Variants in CDH4 observed in about 807,000 individuals in gnomAD.
The protein encoded by CDH4 is cadherin 4.
A neutral mutation model predicts 86.0 loss-of-function variants in CDH4; 33 were observed. The observed-to-expected ratio is 0.38, with a 90% confidence interval of 0.29 to 0.51. The LOEUF is 0.51. CDH4 is among the 20% of genes least tolerant of loss of function. The probability of loss-of-function intolerance (pLI) is 0.86; values close to 1 mark genes in which losing one functional copy is unlikely to be tolerated. For missense variants in CDH4, 1,114 were observed against 1,307.4 expected, an observed-to-expected ratio of 0.85 and a Z score of 2.28; for synonymous variants, 555 against 549.4, an observed-to-expected ratio of 1.01 and a Z score of -0.14.
chr20:61,640,468 G>T (rs60569221), intron 2 of CDH4, among the ~76,000 whole-genome samples: 6,998 of 152,124 alleles, frequency 0.046, 210 homozygotes, highest in Middle Eastern at 0.082. Flanking sequence ...GCTGGCTTCC[G>T]GGGCCTATGA....
chr20:61,693,850 C>A (rs896822392), intron 2 of CDH4, among the ~76,000 whole-genome samples: 1 of 150,182 alleles, frequency 6.7e-6, no homozygotes, highest in Admixed American at 6.7e-5. Flanking sequence ...AAGTCACCTT[C>A]CTACTGAAAA....
In CDH4 at chr20:61,672,280, C is replaced by T. The variant is rs200505949; in HGVS notation, c.170-71283C>T. Among the ~76,000 whole-genome samples, 21 of 151,384 alleles carry T rather than the reference C, an allele frequency of 1.4e-4. No homozygotes were observed. In the East Asian group the frequency reaches 3.9e-3, roughly 28 times the overall value. On this transcript the variant is annotated intron_variant, in intron 2 of 15. Transcript: ENST00000614565. ...GTGGGTGGGTGGATAAACAGATGAACGGGTGAGTGGATGGATGGGTGTGTG... is the reference window on the plus strand; with the variant it reads ...GTGGGTGGGTGGATAAACAGATGAATGGGTGAGTGGATGGATGGGTGTGTG...
At chr20:61,694,203 G>A (rs1286425074) in intron 2 of CDH4, among the ~76,000 whole-genome samples, 2 of 152,102 alleles carry the variant, frequency 1.3e-5, no homozygotes, top group African/African-American at 2.4e-5. Context: ...TAAAGGCACC[G>A]TTTCCTAAAC....
rs753504735 is a variant in CDH4 at position 61,858,445 on chromosome 20, CTG to C, written c.877+5551_877+5552del. ...TGTGTGTCTGTGTCTATGTGTGTCT[CTG>C]TGTCTGTATCTGTGTGTGTCTCTGT... On this transcript the variant is annotated intron_variant, in intron 6 of 15. Transcript: ENST00000614565. 6.1e-5 allele frequency among the ~76,000 whole-genome samples: 9 copies of C among 148,282 alleles called. No homozygotes were observed. The South Asian group carries it at 1.5e-3, about 25-fold the overall frequency.
At chr20:61,907,469 A>T (rs1369075256) in intron 8 of CDH4, among the ~76,000 whole-genome samples, 2 of 151,658 alleles carry the variant, frequency 1.3e-5, no homozygotes, top group Non-Finnish European at 1.5e-5. Flanking sequence ...GCATGTTCTC[A>T]CCCCCAGAAC....
chr20:61,514,305 CG>C (rs1568872298), intron 2 of CDH4, among the ~76,000 whole-genome samples: 1 of 119,986 alleles, frequency 8.3e-6, no homozygotes, highest in East Asian at 2.7e-4. Flanking sequence ...GGCCTCAGTC[CG>C]CCCCCCCCGC....
At chr20:61,565,215 C>CGGTGGTAGGTGGT (rs1434073639) in intron 2 of CDH4, among the ~76,000 whole-genome samples, 1 of 41,168 alleles carries the variant, frequency 2.4e-5, no homozygotes, top group Non-Finnish European at 4.5e-5. Flanking sequence ...GCGGTGCTCT[C>CGGTGGTAGGTGGT]GGTGGTAGGT....
chr20:61,614,816 G>A (rs2086712755), intron 2 of CDH4, among the ~76,000 whole-genome samples: 3 of 152,138 alleles, frequency 2.0e-5, no homozygotes, highest in South Asian at 4.1e-4. Context: ...GGCTCCCTGA[G>A]GATGGGGATG....
chr20:61,884,416 A>G (rs1984440554), intron 7 of CDH4, among the ~76,000 whole-genome samples: 1 of 152,202 alleles, frequency 6.6e-6, no homozygotes, highest in Non-Finnish European at 1.5e-5. Context: ...CTGCGGAGCC[A>G]GAAGTGGTGA....
In CDH4 at chr20:61,743,770, C is replaced by T. The variant is rs780747185; in HGVS notation, c.377C>T (p.Ser126Phe). Residue 126 changes from serine to phenylalanine, a missense_variant, in exon 3 of 16, where the codon TCC becomes TTC. Ser to Phe is a radical substitution (Grantham distance 155, BLOSUM62 -2). Coordinates refer to ENST00000614565, the MANE Select transcript of CDH4 (RefSeq NM_001794.5). ...CGGTTGCTGGTGGCCCAGACCTCGTCCCCGCACTCTGGACACAAGGTAAGG... is the reference window on the plus strand; with the variant it reads ...CGGTTGCTGGTGGCCCAGACCTCGTTCCCGCACTCTGGACACAAGGTAAGG... The part of the protein sequence containing the change: ...VVRLLVAQTS[S>F]PHSGHKPQKG... 11 of 1,603,556 alleles carry T rather than the reference C, an allele frequency of 6.9e-6. No individual in the cohort carries two copies. The African/African-American group carries it at 1.3e-4, about 19-fold the overall frequency.
intron 12 of CDH4, among the ~76,000 whole-genome samples, chr20:61,928,903 T>C (rs148621908): frequency 1.0e-3 from 157 of 152,366 alleles, no homozygotes; most frequent in African/African-American, 3.6e-3. Context: ...CATTATTGTT[T>C]TAAAATAATA....
chr20:61,487,067 T>C (rs1241830039), intron 2 of CDH4, among the ~76,000 whole-genome samples: 2 of 152,318 alleles, frequency 1.3e-5, no homozygotes, highest in African/African-American at 4.8e-5. Context: ...AGGAGTTTTA[T>C]AGGTTTGCAT....
chr20:61,775,918 G>A (rs1776319036), intron 4 of CDH4, among the ~76,000 whole-genome samples: 1 of 152,200 alleles, frequency 6.6e-6, no homozygotes, highest in Admixed American at 6.5e-5. Context: ...GAACATGAAA[G>A]AGCGAGGTCA....
Position 61,766,277 on chromosome 20 carries a change from T to G in CDH4, c.397-6726T>G, listed in dbSNP as rs367857110. On this transcript the variant is annotated intron_variant, in intron 3 of 15. Coordinates refer to ENST00000614565, the MANE Select transcript of CDH4 (RefSeq NM_001794.5). Reference sequence around the variant, plus strand: ...TTCTTCCACTGGCCTGGGCCTCAGTTTCCCTTCCTGGAATATAAGGGTTGT... The same window carrying G: ...TTCTTCCACTGGCCTGGGCCTCAGTGTCCCTTCCTGGAATATAAGGGTTGT... 2.6e-5 allele frequency among the ~76,000 whole-genome samples: 4 copies of G among 152,150 alleles called. 1 individual carries two copies. The highest frequency in any genetic ancestry group is 9.6e-5 in the African/African-American group (4 of 41,512).
At chr20:61,625,862 A>G (rs139940173) in intron 2 of CDH4, among the ~76,000 whole-genome samples, 1,855 of 152,362 alleles carry the variant, frequency 0.012, 23 homozygotes, top group South Asian at 0.05. Flanking sequence ...ACCAGGGTCT[A>G]TAGCTGAGCT....
chr20:61,595,671 C>T (rs116150602), intron 2 of CDH4, among the ~76,000 whole-genome samples: 246 of 152,316 alleles, frequency 1.6e-3, no homozygotes, highest in African/African-American at 4.9e-3. Flanking sequence ...CGAGGCACCA[C>T]GTGCATGAAA....
intron 7 of CDH4, among the ~76,000 whole-genome samples, chr20:61,878,747 C>T (rs915873302): frequency 1.3e-5 from 2 of 152,260 alleles, no homozygotes; most frequent in South Asian, 2.1e-4. Context: ...TGGCATTGGC[C>T]ACCCCACTCT....
At chr20:61,573,943 CAGT>C (rs1157380666) in intron 2 of CDH4, among the ~76,000 whole-genome samples, 1 of 152,214 alleles carries the variant, frequency 6.6e-6, no homozygotes, top group Non-Finnish European at 1.5e-5. Flanking sequence ...TCAGGAGAAA[CAGT>C]AGGCTCTGGC....
chr20:61,394,954 C>T (rs1013974223), intron 2 of CDH4, among the ~76,000 whole-genome samples: 4 of 144,304 alleles, frequency 2.8e-5, no homozygotes, highest in Non-Finnish European at 6.0e-5. Flanking sequence ...CCTGGAAAAG[C>T]GCTCCCTGAG....
Sources: allele counts gnomAD v4.1 joint callset (sites outside exome capture counted in the v4.1 genomes callset), GRCh38; gene constraint gnomAD v4.1.1; transcripts MANE v1.5; gene names NCBI Gene and HGNC (gene_info 2026-07-23, HGNC 2026-07-21).